Variants in TBC1D30 observed in about 807,000 individuals in gnomAD.
TBC1D30 encodes the protein TBC1 domain family, member 30.
TBC1D30 carries 31 observed loss-of-function variants against 63.2 expected under a neutral mutation model. The observed-to-expected ratio is 0.49, with a 90% confidence interval of 0.37 to 0.66. The LOEUF (loss-of-function observed/expected upper bound fraction) is 0.66. TBC1D30 is among the 30% of genes least tolerant of loss of function. TBC1D30 has a pLI of 0.00. For missense variants in TBC1D30, 810 were observed against 953.6 expected (o/e 0.85, Z 1.98); for synonymous variants, 307 against 361.5 (o/e 0.85, Z 1.71).
chr12:64,799,174 A>AG (rs927800635), intron 2 of TBC1D30, among the ~76,000 whole-genome samples: 2 of 151,822 alleles, frequency 1.3e-5, no homozygotes, highest in Non-Finnish European at 2.9e-5. Flanking sequence ...ATGGGATGGG[A>AG]GGGGGGCACA....
chr12:64,809,994 T>C (rs948467061), intron 2 of TBC1D30, among the ~76,000 whole-genome samples: 1 of 152,112 alleles, frequency 6.6e-6, no homozygotes, highest in African/African-American at 2.4e-5. Flanking sequence ...TGGCTTTATC[T>C]CCACCTTTGC....
At chr12:64,817,677 A>C (rs977593512) in intron 2 of TBC1D30, among the ~76,000 whole-genome samples, 2 of 152,088 alleles carry the variant, frequency 1.3e-5, no homozygotes, top group Admixed American at 1.3e-4. Context: ...CGAACTCATC[A>C]CCCTTCTCCT....
At chr12:64,841,131 A>G (rs2136397110) in intron 7 of TBC1D30, among the ~76,000 whole-genome samples, 1 of 152,266 alleles carries the variant, frequency 6.6e-6, no homozygotes, top group Non-Finnish European at 1.5e-5. Flanking sequence ...AGTGCCTGTA[A>G]TCTTCCCCAC....
At chr12:64,812,660 A>T (rs982798070) in intron 2 of TBC1D30, among the ~76,000 whole-genome samples, 1 of 152,228 alleles carries the variant, frequency 6.6e-6, no homozygotes, top group Non-Finnish European at 1.5e-5. Context: ...CAAATTTTAG[A>T]AAATTGCATG....
chr12:64,807,642 C>T (rs751837412), intron 2 of TBC1D30, among the ~76,000 whole-genome samples: 5 of 152,132 alleles, frequency 3.3e-5, no homozygotes, highest in Admixed American at 6.5e-5. Context: ...ATATGCCATT[C>T]GTGGCATTCT....
chr12:64,764,594 T>C (rs75952363), intron 1 of TBC1D30, among the ~76,000 whole-genome samples: 4,751 of 152,228 alleles, frequency 0.031, 234 homozygotes, highest in African/African-American at 0.11. Flanking sequence ...AAACAATTGC[T>C]CCAACTTTTT....
chr12:64,832,365 A>G (rs1874947460), intron 5 of TBC1D30, 61 bp downstream of exon 5: 3 of 1,445,536 alleles, frequency 2.1e-6, no homozygotes, highest in Non-Finnish European at 2.8e-6. Context: ...AATTGGAACC[A>G]TAATTTCTCT....
At chr12:64,761,144 T>G (rs931802794) in intron 1 of TBC1D30, among the ~76,000 whole-genome samples, 6 of 152,270 alleles carry the variant, frequency 3.9e-5, no homozygotes, top group Non-Finnish European at 7.3e-5. Flanking sequence ...TCAAGCTGGT[T>G]AGAATAACTA....
At chr12:64,803,919 A>G (rs546745808) in intron 2 of TBC1D30, among the ~76,000 whole-genome samples, 2 of 152,282 alleles carry the variant, frequency 1.3e-5, no homozygotes, top group South Asian at 2.1e-4. Flanking sequence ...GTATAGTTTG[A>G]AGTCAGGTAG....
upstream of TBC1D30, chr12:64,779,406 T>C (rs990101609): frequency 6.6e-6 from 1 of 152,200 alleles, no homozygotes; most frequent in Non-Finnish European, 1.5e-5. Context: ...AATATAGTTA[T>C]AAAACCATAA....
intron 2 of TBC1D30, among the ~76,000 whole-genome samples, chr12:64,814,204 G>A (rs970547511): frequency 9.9e-5 from 15 of 152,102 alleles, no homozygotes; most frequent in African/African-American, 3.1e-4. Context: ...GTGCCACCAC[G>A]TCTAGCTAAC....
chr12:64,771,181 A>C (rs1201925367), intron 1 of TBC1D30, among the ~76,000 whole-genome samples: 1 of 151,738 alleles, frequency 6.6e-6, no homozygotes, highest in Non-Finnish European at 1.5e-5. Flanking sequence ...TGCTTGGGCC[A>C]TATACTCCAG....
In TBC1D30 at chr12:64,769,087, G is replaced by A. The variant is rs569625433; in HGVS notation, c.-376+9438G>A. Reference sequence around the variant, plus strand: ...ATGAGAGGATCGCTTGTGCCCAGGAGGTTGAGGCTTCAGTGAGCAGTAGTT... The same window carrying A: ...ATGAGAGGATCGCTTGTGCCCAGGAAGTTGAGGCTTCAGTGAGCAGTAGTT... On this transcript the variant is annotated intron_variant, in intron 1 of 13. Coordinates refer to the TBC1D30 transcript ENST00000674237. Among the ~76,000 whole-genome samples the A allele has an allele frequency of 5.5e-4, 83 of 152,256 alleles. No individual in the cohort carries two copies. In the South Asian group the frequency reaches 0.016, roughly 29 times the overall value.
At chr12:64,807,900 C>T (rs1872965306) in intron 2 of TBC1D30, among the ~76,000 whole-genome samples, 1 of 125,276 alleles carries the variant, frequency 8.0e-6, no homozygotes, top group Admixed American at 7.9e-5. Flanking sequence ...CAGGCCCATG[C>T]CACCCTGCCT....
In TBC1D30 at chr12:64,832,203, T is replaced by G; in HGVS notation, c.493T>G (p.Tyr165Asp). Residue 165 changes from tyrosine to aspartate, a missense_variant, in exon 5 of 12, where the codon TAT becomes GAT. By Grantham distance (160) the Tyr-to-Asp change is radical. This residue lies in a region of TBC1D30 where 272 missense variants were observed against 335.9 expected (regional missense o/e 0.81). Transcript: ENST00000539867. ...TGTGTTGAAGCGGGTGCTGCTGGCC[T>G]ATGCCCGATGGAACAAAACTGTTGG... ...RVVLKRVLLA[Y>D]ARWNKTVGYC... 6.5e-7 allele frequency: 1 copy of G among 1,536,170 alleles called. No homozygotes were observed.
rs1337865398 is a variant in TBC1D30, at chr12:64,878,894, T to C, written c.*3106T>C. ...AGAGAGTTTACCTAAAATTAACCTT[T>C]AGATCTACTATTTATTTTTGTCTTA... On this transcript the variant is annotated 3_prime_UTR_variant, in exon 12 of 12. Transcript: ENST00000539867. 1.8e-5 allele frequency: 3 copies of C among 171,404 alleles called. No individual in the cohort carries two copies. The highest frequency in any genetic ancestry group is 1.1e-4 in the Admixed American group (2 of 17,572). 10.6% of individuals were successfully genotyped at this position (171,404 alleles called of 1,614,324 possible).
chr12:64,773,307 TG>T (rs1417984633), intron 1 of TBC1D30, among the ~76,000 whole-genome samples: 1 of 152,096 alleles, frequency 6.6e-6, no homozygotes, highest in East Asian at 1.9e-4. Flanking sequence ...CCCCTGCCAG[TG>T]TTCTCTGGCC....
intron 10 of TBC1D30, among the ~76,000 whole-genome samples, chr12:64,869,215 A>G (rs938546147): frequency 2.0e-5 from 3 of 152,188 alleles, no homozygotes; most frequent in African/African-American, 7.2e-5. Flanking sequence ...TCTCTTTGCC[A>G]TCTGCTAACT....
At position 64,870,609 on chromosome 12, in the gene TBC1D30, TGAG is replaced by T. The variant is rs1402887630; in HGVS notation, c.1303_1305del (p.Glu435del). The T allele has an allele frequency of 1.8e-5, 28 of 1,535,954 alleles. No homozygotes were observed. The highest frequency in any genetic ancestry group is 2.7e-5 in the African/African-American group (2 of 73,004). ...CTCATCCTTCGAGCGCAGAGCCAAA[TGAG>T]GAGCAGAGTCTGAGATCTAATAACA... On this transcript the variant is annotated inframe_deletion, in exon 11 of 12. Coordinates refer to ENST00000539867, the MANE Select transcript of TBC1D30 (RefSeq NM_015279.2).
Sources: allele counts gnomAD v4.1 joint callset (sites outside exome capture counted in the v4.1 genomes callset), GRCh38; gene constraint gnomAD v4.1.1; regional missense constraint gnomAD v4.1.1; transcripts MANE v1.5; gene names NCBI Gene and HGNC (gene_info 2026-07-23, HGNC 2026-07-21).